The following NKAIN3 variants were observed in gnomAD, a reference collection of about 807,000 sequenced individuals.
NKAIN3 encodes sodium/potassium transporting ATPase interacting 3.
A neutral mutation model predicts 30.2 loss-of-function variants in NKAIN3; 25 were observed. That is an observed-to-expected ratio of 0.83 (90% CI 0.60 to 1.16). The LOEUF (loss-of-function observed/expected upper bound fraction) is 1.16. Among genes scored for constraint, NKAIN3 ranks in the 50% most tolerant of loss-of-function variants. The pLI is 0.00. For missense variants in NKAIN3, 225 were observed against 254.1 expected (o/e 0.89, Z 0.78); for synonymous variants, 91 against 89.6 (o/e 1.02, Z -0.09).
In NKAIN3 at chr8:62,908,090, C is replaced by A. The variant is rs561881283; in HGVS notation, c.472-10363C>A. Among the ~76,000 whole-genome samples the A allele has an allele frequency of 8.5e-4, 129 of 152,324 alleles. 1 individual carries two copies. The highest frequency in any genetic ancestry group is 1.6e-3 in the Non-Finnish European group (111 of 68,030). The stretch of plus-strand genomic sequence containing the variant: ...GTGTAGCTGCTCAAGACCATGGGAA[C>A]CCCCTCCCTTGCATCAGTGTGACCC... On this transcript the variant is annotated intron_variant, in intron 4 of 6. Transcript: ENST00000623646.
chr8:62,537,814 G>A (rs1044434313), intron 1 of NKAIN3, among the ~76,000 whole-genome samples: 1 of 152,072 alleles, frequency 6.6e-6, no homozygotes, highest in African/African-American at 2.4e-5. Context: ...ACTCAAAGTT[G>A]GCATACTTTC....
At chr8:62,329,552 T>C (rs1477468726) in intron 1 of NKAIN3, among the ~76,000 whole-genome samples, 12 of 152,132 alleles carry the variant, frequency 7.9e-5, no homozygotes, top group African/African-American at 2.9e-4. Context: ...TCATGTGTAT[T>C]CAATGTTTAG....
At chr8:62,522,308 TG>T (rs1808183535) in intron 1 of NKAIN3, among the ~76,000 whole-genome samples, 2 of 152,160 alleles carry the variant, frequency 1.3e-5, no homozygotes, top group Non-Finnish European at 2.9e-5. Flanking sequence ...GTGGTGATGC[TG>T]GCATAAACAA....
At chr8:62,721,894 G>A (rs1034744424) in intron 3 of NKAIN3, among the ~76,000 whole-genome samples, 2 of 152,142 alleles carry the variant, frequency 1.3e-5, no homozygotes, top group Non-Finnish European at 2.9e-5. Context: ...TCTACTCATC[G>A]TCTCTTGAAT....
chr8:62,462,756 G>GA (rs1413988512), intron 1 of NKAIN3, among the ~76,000 whole-genome samples: 23 of 152,278 alleles, frequency 1.5e-4, no homozygotes, highest in African/African-American at 5.3e-4. Context: ...ACTTTTAGAT[G>GA]AAAATCTGTG....
At chr8:62,851,516 G>A (rs1255303692) in intron 4 of NKAIN3, among the ~76,000 whole-genome samples, 1 of 152,136 alleles carries the variant, frequency 6.6e-6, no homozygotes, top group Admixed American at 6.5e-5. Context: ...GGTGAGAGAG[G>A]ACATCCCCGT....
rs187757539 is a variant in NKAIN3, at chr8:62,726,678, C to T, written c.274-20254C>T. On this transcript the variant is annotated intron_variant, in intron 3 of 6. Coordinates refer to ENST00000623646, the MANE Select transcript of NKAIN3 (RefSeq NM_001304533.3). ...CTTATATTTATTATATTTATAATCCCATGTTTATGAAGGAAATTCAATCAA... is the reference window on the plus strand; with the variant it reads ...CTTATATTTATTATATTTATAATCCTATGTTTATGAAGGAAATTCAATCAA... 2.8e-3 allele frequency among the ~76,000 whole-genome samples: 423 copies of T among 152,036 alleles called. 3 individuals are homozygous for T. Among genetic ancestry groups the T allele is most frequent in the African/African-American group, 9.8e-3 (408 of 41,504 alleles).
At chr8:62,557,677 A>G (rs1288197977) in intron 1 of NKAIN3, among the ~76,000 whole-genome samples, 1 of 152,056 alleles carries the variant, frequency 6.6e-6, no homozygotes, top group Non-Finnish European at 1.5e-5. Flanking sequence ...AGCAGTTTTC[A>G]TATGTTTGTT....
intron 3 of NKAIN3, among the ~76,000 whole-genome samples, chr8:62,687,857 T>C (rs185944166): frequency 3.7e-4 from 57 of 152,362 alleles, no homozygotes; most frequent in Non-Finnish European, 6.2e-4. Flanking sequence ...AGCCAAAAGA[T>C]AGCAAGCTTT....
chr8:62,859,050 G>A (rs1467414326), intron 4 of NKAIN3, among the ~76,000 whole-genome samples: 1 of 152,242 alleles, frequency 6.6e-6, no homozygotes. Flanking sequence ...TCTGTGTGTC[G>A]GACCCAAGGC....
At chr8:62,253,224 C>T (rs1450122763) in intron 1 of NKAIN3, among the ~76,000 whole-genome samples, 1 of 152,080 alleles carries the variant, frequency 6.6e-6, no homozygotes, top group Non-Finnish European at 1.5e-5. Flanking sequence ...TACCAGAAAC[C>T]CTACAAGATT....
intron 5 of NKAIN3, among the ~76,000 whole-genome samples, chr8:62,919,467 G>T (rs574708478): frequency 3.4e-4 from 51 of 151,642 alleles, no homozygotes; most frequent in African/African-American, 1.2e-3. Context: ...GGATGGTCTC[G>T]ATCTCCTGAC....
rs1814699521 is a variant in NKAIN3 at position 62,711,021 on chromosome 8, C to T, written c.274-35911C>T. Among the ~76,000 whole-genome samples, 4 of 152,136 alleles carry T rather than the reference C, an allele frequency of 2.6e-5. No homozygotes were observed. In the South Asian group the frequency reaches 8.3e-4, roughly 32 times the overall value. The stretch of plus-strand genomic sequence containing the variant: ...GCTTAGTTTTGCTGGATAAAAAATT[C>T]TTGGCTGATAATTGTTTTGTTTGAG... On this transcript the variant is annotated intron_variant, in intron 3 of 6. Transcript: ENST00000623646.
chr8:62,716,856 T>C (rs72653213), intron 3 of NKAIN3, among the ~76,000 whole-genome samples: 6,561 of 152,042 alleles, frequency 0.043, 212 homozygotes, highest in Non-Finnish European at 0.067. Context: ...CCAGCACTTA[T>C]GAGATGAGGT....
chr8:62,644,126 A>T (rs1812389311), intron 3 of NKAIN3, among the ~76,000 whole-genome samples: 1 of 151,990 alleles, frequency 6.6e-6, no homozygotes, highest in South Asian at 2.1e-4. Context: ...GGGTCCCTTG[A>T]CTTCATGCCA....
chr8:62,353,539 G>GT (rs1207398385), intron 1 of NKAIN3, among the ~76,000 whole-genome samples: 2 of 152,038 alleles, frequency 1.3e-5, no homozygotes, highest in Non-Finnish European at 2.9e-5. Flanking sequence ...TATATTATCT[G>GT]TTTTTTAAGG....
intron 1 of NKAIN3, among the ~76,000 whole-genome samples, chr8:62,462,482 A>G (rs1806028689): frequency 6.6e-6 from 1 of 152,178 alleles, no homozygotes; most frequent in Non-Finnish European, 1.5e-5. Context: ...AAATGCTTAA[A>G]TCTTAAAATG....
intron 1 of NKAIN3, among the ~76,000 whole-genome samples, chr8:62,572,823 C>T (rs1228382112): frequency 6.6e-6 from 1 of 152,134 alleles, no homozygotes; most frequent in Non-Finnish European, 1.5e-5. Context: ...GTTCCTCCAA[C>T]AACGTGGGAA....
At chr8:62,762,019 C>T (rs58830452) in intron 4 of NKAIN3, among the ~76,000 whole-genome samples, 1 of 152,104 alleles carries the variant, frequency 6.6e-6, no homozygotes, top group African/African-American at 2.4e-5. Flanking sequence ...GCAGACTTCT[C>T]TTAGGAAGTA....
Sources: allele counts gnomAD v4.1 joint callset (sites outside exome capture counted in the v4.1 genomes callset), GRCh38; gene constraint gnomAD v4.1.1; transcripts MANE v1.5; gene names NCBI Gene and HGNC (gene_info 2026-07-23, HGNC 2026-07-21).